Variants in SEMA6D observed in about 807,000 individuals in gnomAD.
SEMA6D encodes semaphorin-6D.
A neutral mutation model predicts 106.6 loss-of-function variants in SEMA6D; 35 were observed. The ratio of observed to expected loss-of-function variants is 0.33; its 90% confidence interval spans 0.25 to 0.44. SEMA6D has a LOEUF of 0.44. SEMA6D is among the 20% of genes least tolerant of loss of function. The pLI is 1.00. For missense variants in SEMA6D, 1,185 were observed against 1,345.9 expected (o/e 0.88, Z 1.87); for synonymous variants, 499 against 487.7 (o/e 1.02, Z -0.31).
chr15:47,590,964 C>A (rs1244979811), intron 3 of SEMA6D, among the ~76,000 whole-genome samples: 1 of 152,166 alleles, frequency 6.6e-6, no homozygotes, highest in Non-Finnish European at 1.5e-5. Flanking sequence ...GCAATGAGAT[C>A]TTGACATGGG....
At chr15:47,260,289 T>G (rs1014142530) in intron 1 of SEMA6D, among the ~76,000 whole-genome samples, 2 of 152,192 alleles carry the variant, frequency 1.3e-5, no homozygotes, top group African/African-American at 4.8e-5. Flanking sequence ...ATTTTGTCTA[T>G]TATGTTAGAA....
chr15:47,329,121 A>G (rs2037242226), intron 1 of SEMA6D, among the ~76,000 whole-genome samples: 1 of 152,210 alleles, frequency 6.6e-6, no homozygotes, highest in Non-Finnish European at 1.5e-5. Context: ...GCAGCTGAAC[A>G]AGACAGATGA....
intron 10 of SEMA6D, 24 bp from the exon 11 acceptor site, chr15:47,764,150 C>G (rs760258318): frequency 6.2e-7 from 1 of 1,613,056 alleles, no homozygotes; most frequent in South Asian, 1.1e-5. Flanking sequence ...CCAGCCTCTT[C>G]CTGATGATTT....
intron 4 of SEMA6D, among the ~76,000 whole-genome samples, chr15:47,707,901 A>G (rs934309466): frequency 3.3e-5 from 5 of 152,170 alleles, no homozygotes; most frequent in Admixed American, 3.3e-4. Flanking sequence ...TTTTATCAAA[A>G]TTCAACTTTT....
intron 1 of SEMA6D, among the ~76,000 whole-genome samples, chr15:47,352,521 C>T (rs917474338): frequency 2.6e-5 from 4 of 152,260 alleles, no homozygotes; most frequent in Non-Finnish European, 4.4e-5. Flanking sequence ...GGATGTAGTT[C>T]GGGCTAATGA....
intron 3 of SEMA6D, among the ~76,000 whole-genome samples, chr15:47,583,523 G>A (rs2076287453): frequency 1.3e-5 from 2 of 152,224 alleles, no homozygotes; most frequent in African/African-American, 2.4e-5. Context: ...CCCAACAGGC[G>A]GTCTCCAGGA....
chr15:47,466,907 G>A (rs1053591936), intron 2 of SEMA6D, among the ~76,000 whole-genome samples: 4 of 78,934 alleles, frequency 5.1e-5, no homozygotes, highest in South Asian at 3.7e-4. Flanking sequence ...TTTTTTTTTT[G>A]TAGCAGAAGT....
At chr15:47,625,753 A>G (rs1028334178) in intron 4 of SEMA6D, among the ~76,000 whole-genome samples, 3 of 151,798 alleles carry the variant, frequency 2.0e-5, no homozygotes, top group Admixed American at 1.3e-4. Context: ...CACAACAAAT[A>G]GGAATGTTTA....
intron 2 of SEMA6D, among the ~76,000 whole-genome samples, chr15:47,455,021 T>G (rs938118299): frequency 2.6e-5 from 4 of 151,850 alleles, no homozygotes; most frequent in African/African-American, 9.7e-5. Context: ...TGAGATGATC[T>G]CCTTAAAAAA....
chr15:47,695,371 CT>C (rs1170512200), intron 4 of SEMA6D, among the ~76,000 whole-genome samples: 1 of 152,104 alleles, frequency 6.6e-6, no homozygotes, highest in Admixed American at 6.6e-5. Flanking sequence ...ATCTTCCTTC[CT>C]TTGCAAGGTG....
intron 1 of SEMA6D, among the ~76,000 whole-genome samples, chr15:47,368,958 T>C (rs953595443): frequency 6.6e-5 from 10 of 152,214 alleles, no homozygotes; most frequent in Non-Finnish European, 1.5e-4. Flanking sequence ...GATGGAGAGC[T>C]ACACTGTTAC....
chr15:47,431,641 C>T (rs1260565391), intron 2 of SEMA6D, among the ~76,000 whole-genome samples: 1 of 152,046 alleles, frequency 6.6e-6, no homozygotes, highest in Non-Finnish European at 1.5e-5. Context: ...GGTCATTGGC[C>T]CTTGAGGTCT....
intron 1 of SEMA6D, among the ~76,000 whole-genome samples, chr15:47,734,585 C>T (rs935604653): frequency 1.3e-5 from 2 of 152,164 alleles, no homozygotes; most frequent in Non-Finnish European, 2.9e-5. Flanking sequence ...ACAGAATTTG[C>T]GTCTTGAGTT....
chr15:47,341,282 C>A (rs769138615), intron 1 of SEMA6D, among the ~76,000 whole-genome samples: 3 of 151,970 alleles, frequency 2.0e-5, no homozygotes, highest in African/African-American at 7.3e-5. Flanking sequence ...CCCAGCTACT[C>A]AGGAGGCTGA....
chr15:47,365,610 C>T (rs1347206001), intron 1 of SEMA6D, among the ~76,000 whole-genome samples: 1 of 152,020 alleles, frequency 6.6e-6, no homozygotes, highest in Non-Finnish European at 1.5e-5. Flanking sequence ...TCTGTAATCC[C>T]AGCACTTTGA....
chr15:47,340,873 A>C (rs904989017), intron 1 of SEMA6D, among the ~76,000 whole-genome samples: 1 of 152,152 alleles, frequency 6.6e-6, no homozygotes, highest in Non-Finnish European at 1.5e-5. Context: ...TTAGAATGGG[A>C]GGAACTGTTG....
At chr15:47,718,048 G>GA (rs1555413384) in intron 1 of SEMA6D, among the ~76,000 whole-genome samples, 1 of 151,976 alleles carries the variant, frequency 6.6e-6, no homozygotes, top group Non-Finnish European at 1.5e-5. Context: ...CACCCCCTTG[G>GA]AAAAAAAGCG....
intron 1 of SEMA6D, among the ~76,000 whole-genome samples, chr15:47,314,096 G>A (rs1241311885): frequency 1.3e-5 from 2 of 152,128 alleles, no homozygotes; most frequent in Non-Finnish European, 2.9e-5. Flanking sequence ...ATGCTTTTCA[G>A]TGTTTGGTGT....
At chr15:47,537,724 A>G (rs16959671) in intron 3 of SEMA6D, among the ~76,000 whole-genome samples, 19,174 of 152,172 alleles carry the variant, frequency 0.13, 2,108 homozygotes, top group African/African-American at 0.3. Flanking sequence ...GCTTGATGAT[A>G]GACTGGCTAC....
Sources: allele counts gnomAD v4.1 joint callset (sites outside exome capture counted in the v4.1 genomes callset), GRCh38; gene constraint gnomAD v4.1.1; transcripts MANE v1.5; gene names NCBI Gene and HGNC (gene_info 2026-07-23, HGNC 2026-07-21).